The following EPS15L1 variants were observed in gnomAD, a reference collection of about 807,000 sequenced individuals.
EPS15L1 encodes epidermal growth factor receptor substrate 15-like 1.
EPS15L1 carries 43 observed loss-of-function variants against 117.1 expected under a neutral mutation model. That is an observed-to-expected ratio of 0.37 (90% CI 0.29 to 0.47). The LOEUF is 0.47. Among genes scored for constraint, EPS15L1 ranks in the 20% least tolerant of loss-of-function variants. EPS15L1 has a pLI of 0.99. For synonymous variants in EPS15L1, 459 were observed against 470.5 expected (o/e 0.98, Z 0.32); for missense variants, 981 against 1,164.0 (o/e 0.84, Z 2.29).
intron 6 of EPS15L1, among the ~76,000 whole-genome samples, chr19:16,435,774 G>A (rs1035218575): frequency 6.6e-6 from 1 of 152,096 alleles, no homozygotes; most frequent in Non-Finnish European, 1.5e-5. Flanking sequence ...TTCTGACTGT[G>A]GCTGTGAATG....
intron 7 of EPS15L1, among the ~76,000 whole-genome samples, chr19:16,428,970 T>C (rs1256999185): frequency 1.3e-5 from 2 of 152,186 alleles, no homozygotes; most frequent in Admixed American, 1.3e-4. Context: ...CTGACAATCA[T>C]CATGATTATA....
chr19:16,410,389 C>T (rs531415038), intron 13 of EPS15L1, among the ~76,000 whole-genome samples: 10 of 152,144 alleles, frequency 6.6e-5, no homozygotes, highest in Non-Finnish European at 1.3e-4. Flanking sequence ...CTGTGCAGAG[C>T]TGGCACCCTA....
intron 23 of EPS15L1, chr19:16,361,525 G>A (rs2092050909): frequency 8.7e-7 from 1 of 1,155,834 alleles, no homozygotes; most frequent in African/African-American, 1.6e-5. Flanking sequence ...AGGACAGATA[G>A]GTCCCGCCTC....
chr19:16,454,316 T>C (rs1001826762), intron 1 of EPS15L1, among the ~76,000 whole-genome samples: 1 of 152,174 alleles, frequency 6.6e-6, no homozygotes, highest in African/African-American at 2.4e-5. Flanking sequence ...GGGGGCAATC[T>C]AGCAGGTGCA....
rs2092596771 is a variant in EPS15L1 at position 16,401,151 on chromosome 19, T to TTACG, written c.1791+1166_1791+1169dup. ...GGGGGCGGCTATGGAAACCACCTCA[T>TTACG]TACGAGTCCACGAGAAAAGAGAGTA... On this transcript the variant is annotated intron_variant, in intron 16 of 23. Coordinates refer to ENST00000455140, the MANE Select transcript of EPS15L1 (RefSeq NM_001258374.3). The TTACG allele has an allele frequency of 4.1e-6, 4 of 985,114 alleles. No individual in the cohort carries two copies. The South Asian group carries it at 1.4e-4, about 35-fold the overall frequency. 61.0% of individuals were successfully genotyped at this position (985,114 alleles called of 1,614,324 possible). A position where few individuals can be genotyped will look rare whatever the true frequency, so the allele number is the denominator to read the frequency against.
In EPS15L1 at chr19:16,365,723, C is replaced by G. The variant is rs1456458682; in HGVS notation, c.2381-3739G>C. On this transcript the variant is annotated intron_variant, in intron 22 of 23. Coordinates refer to ENST00000455140, the MANE Select transcript of EPS15L1 (RefSeq NM_001258374.3). This position sits in a 1 kb window ranked among gnomAD's most constrained non-coding sequence, Gnocchi z 4.9. ...TTCTCCCTCCACGGGAAAGCCCCCC[C>G]TCCCCCAGGGTCCCTCACCACTCTG... Among the ~76,000 whole-genome samples the G allele has an allele frequency of 1.3e-5, 2 of 152,248 alleles. No homozygotes were observed. Among genetic ancestry groups the G allele is most frequent in the Admixed American group, 6.5e-5 (1 of 15,290 alleles).
At chr19:16,434,304 G>C in intron 7 of EPS15L1, 61 bp downstream of exon 7, 1 of 1,579,206 alleles carries the variant, frequency 6.3e-7, no homozygotes. Context: ...AAAGAGAACA[G>C]TGGCGCCCAC....
chr19:16,414,455 C>T (rs2092737845), intron 12 of EPS15L1, among the ~76,000 whole-genome samples: 1 of 151,942 alleles, frequency 6.6e-6, no homozygotes. Flanking sequence ...GGCTGGAGTG[C>T]AGTGGCGCAA....
At chr19:16,458,208 C>T (rs1244682098) in intron 1 of EPS15L1, among the ~76,000 whole-genome samples, 1 of 152,158 alleles carries the variant, frequency 6.6e-6, no homozygotes, top group Non-Finnish European at 1.5e-5. Context: ...CTCCTCATCG[C>T]TGTGGGTGAC....
chr19:16,376,993 G>T, intron 22 of EPS15L1, 129 bp downstream of exon 22: 1 of 1,216,100 alleles, frequency 8.2e-7, no homozygotes, highest in Non-Finnish European at 1.1e-6. Context: ...GGGCCGGGGG[G>T]ACCCTCTTGC....
intron 20 of EPS15L1, among the ~76,000 whole-genome samples, chr19:16,385,756 G>A (rs1308911621): frequency 8.1e-6 from 1 of 124,092 alleles, no homozygotes; most frequent in Admixed American, 8.1e-5. Context: ...ATAAAGGCTC[G>A]AGCGTGCATC....
intron 22 of EPS15L1, among the ~76,000 whole-genome samples, chr19:16,376,320 C>T (rs2092294745): frequency 6.6e-6 from 1 of 152,228 alleles, no homozygotes; most frequent in South Asian, 2.1e-4. Context: ...ACTCCTTCTG[C>T]CACTTGAAGC....
At chr19:16,384,021 A>T (rs2092392163) in intron 21 of EPS15L1, 2 of 151,778 alleles carry the variant, frequency 1.3e-5, no homozygotes, top group African/African-American at 4.9e-5. Flanking sequence ...GCTCCAGGGG[A>T]CCCCCCACAC....
At chr19:16,415,567 C>G (rs1462951758) in intron 12 of EPS15L1, among the ~76,000 whole-genome samples, 1 of 152,222 alleles carries the variant, frequency 6.6e-6, no homozygotes, top group East Asian at 1.9e-4. Context: ...ACTGAAGGAC[C>G]TGACATGCCC....
Position 16,437,883 on chromosome 19 carries a change from G to C in EPS15L1, c.214-18C>G, listed in dbSNP as rs1172160745. The C allele has an allele frequency of 6.2e-7, 1 of 1,600,936 alleles. No homozygotes were observed. Among genetic ancestry groups the C allele is most frequent in the Non-Finnish European group, 8.6e-7 (1 of 1,168,324 alleles). On this transcript the variant is annotated intron_variant, in intron 4 of 23. Transcript: ENST00000455140. ...TAGAAACCCTGCAAGTCCAAAGAAA[G>C]GGAAGGAGTAAACAGCATATCGCCA...
At chr19:16,432,648 T>C (rs1476420073) in intron 7 of EPS15L1, among the ~76,000 whole-genome samples, 1 of 151,440 alleles carries the variant, frequency 6.6e-6, no homozygotes, top group Non-Finnish European at 1.5e-5. Context: ...GGTGCATGCC[T>C]GTAATCCCAG....
chr19:16,470,133 G>A (rs535891053), intron 1 of EPS15L1, among the ~76,000 whole-genome samples: 2 of 152,302 alleles, frequency 1.3e-5, no homozygotes, highest in African/African-American at 4.8e-5. Context: ...TGTAATCCCA[G>A]CACTTTGGGA....
At chr19:16,422,277 T>C (rs940812302) in intron 9 of EPS15L1, among the ~76,000 whole-genome samples, 1 of 152,192 alleles carries the variant, frequency 6.6e-6, no homozygotes, top group African/African-American at 2.4e-5. Context: ...TCAGAGGCAT[T>C]GAGGCCCCTC....
At chr19:16,375,373 C>T (rs1445122421) in intron 22 of EPS15L1, among the ~76,000 whole-genome samples, 4 of 151,932 alleles carry the variant, frequency 2.6e-5, no homozygotes, top group South Asian at 2.1e-4. Context: ...TACACGTGTA[C>T]GTGCACATAC....
Sources: allele counts gnomAD v4.1 joint callset (sites outside exome capture counted in the v4.1 genomes callset), GRCh38; gene constraint gnomAD v4.1.1; non-coding constraint Gnocchi (gnomAD v3.1); transcripts MANE v1.5; gene names NCBI Gene and HGNC (gene_info 2026-07-23, HGNC 2026-07-21).